Variants in MINAR1 observed in about 807,000 individuals in gnomAD.
MINAR1 encodes the protein membrane integral NOTCH2 associated receptor 1.
In MINAR1, 40 loss-of-function variants were observed where a neutral mutation model predicts 65.1. The ratio of observed to expected loss-of-function variants is 0.61; its 90% CI spans 0.48 to 0.80. The LOEUF (loss-of-function observed/expected upper bound fraction) is 0.80. Ranked by LOEUF, MINAR1 falls within the 30% of genes least tolerant of loss-of-function variation. MINAR1 has a pLI of 0.00. For synonymous variants in MINAR1, 482 were observed against 449.1 expected (o/e 1.07, Z -0.93); for missense variants, 1,128 against 1,148.0 (o/e 0.98, Z 0.25).
rs556179640 is a variant in MINAR1, at chr15:79,457,988, C to T, written c.1841C>T (p.Ser614Leu). ...ATTGAACGGAAGCTGGAATCCCTGT[C>T]GGGTGTCCGTGATGAAATCTCCCAG... Reference protein sequence around the residue: ...GEIERKLESLSGVRDEISQVL... With the variant: ...GEIERKLESLLGVRDEISQVL... Residue 614 changes from serine to leucine, a missense_variant, in exon 2 of 4, where the codon TCG (serine) becomes TTG (leucine). By Grantham distance (145) the Ser-to-Leu change is moderately radical. Transcript: ENST00000305428. 4.7e-5 allele frequency: 76 copies of T among 1,614,052 alleles called. No homozygotes were observed. In the South Asian group the frequency reaches 7.4e-4, roughly 16 times the overall value.
At chr15:79,460,590 C>T (rs753163459) in intron 2 of MINAR1, among the ~76,000 whole-genome samples, 17 of 152,138 alleles carry the variant, frequency 1.1e-4, no homozygotes, top group Non-Finnish European at 2.1e-4. Flanking sequence ...CTTTCCCTAC[C>T]GGGGATCCTT....
In MINAR1 at chr15:79,457,019, G is replaced by A. The variant is rs760038690; in HGVS notation, c.872G>A (p.Arg291Gln). The A allele has an allele frequency of 1.1e-5, 17 of 1,613,802 alleles. No individual in the cohort carries two copies. Among genetic ancestry groups the A allele is most frequent in the African/African-American group, 5.3e-5 (4 of 74,912 alleles). ...AENEHREPQS[R>Q]KEPHKPPFFN... ...AATGAGCACAGGGAACCCCAGAGTC[G>A]AAAGGAACCCCACAAGCCACCCTTC... The change falls in exon 2 of 4, where the codon CGA becomes CAA. Residue 291 changes from arginine to glutamine, a missense_variant. Coordinates refer to ENST00000305428, the MANE Select transcript of MINAR1 (RefSeq NM_015206.3).
At chr15:79,462,780 C>A (rs1895694807) in intron 2 of MINAR1, among the ~76,000 whole-genome samples, 1 of 152,202 alleles carries the variant, frequency 6.6e-6, no homozygotes, top group Non-Finnish European at 1.5e-5. Context: ...GCTCCATTTT[C>A]CTACCTGTAC....
intron 1 of MINAR1, among the ~76,000 whole-genome samples, chr15:79,438,377 A>G (rs188099372): frequency 1.5e-3 from 3 of 2,006 alleles, no homozygotes; most frequent in Non-Finnish European, 3.0e-3. Context: ...TGTGGGTGTG[A>G]GTGGGTAGTG....
chr15:79,456,551 A>T lies in MINAR1; in HGVS notation c.404A>T (p.Glu135Val), dbSNP rs1195046078. 6 of 1,614,106 alleles carry T rather than the reference A, an allele frequency of 3.7e-6. No homozygotes were observed. Among genetic ancestry groups the T allele is most frequent in the Non-Finnish European group, 4.2e-6 (5 of 1,180,018 alleles). Residue 135 changes from glutamate to valine, a missense_variant, in exon 2 of 4, where the codon GAG becomes GTG. Coordinates refer to ENST00000305428, the MANE Select transcript of MINAR1 (RefSeq NM_015206.3). The part of the protein sequence containing the change: ...DTEICNAAEC[E>V]PLNCELSERS... ...GAGATCTGCAATGCAGCTGAGTGTG[A>T]GCCCCTGAACTGTGAGCTGAGTGAG...
Position 79,463,250 on chromosome 15 carries a change from C to T in MINAR1, c.2482C>T (p.Pro828Ser). 1 of 1,614,202 alleles carries T rather than the reference C, an allele frequency of 6.2e-7. No homozygotes were observed. The highest frequency in any genetic ancestry group is 8.5e-7 in the Non-Finnish European group (1 of 1,180,038). ...GTTGGCCGAGGTGAAGCGGGGCCAA[C>T]CTTCTTGGACCATTGAGGAGTATGC... is the stretch of plus-strand genomic sequence containing the variant. ...TELAEVKRGQ[P>S]SWTIEEYARN... The change falls in exon 3 of 4, where the codon CCT (proline) becomes TCT (serine). Residue 828 changes from proline (P) to serine (S), a missense_variant. By Grantham distance (74) the Pro-to-Ser change is moderately conservative (BLOSUM62 -1). Transcript: ENST00000305428.
intron 1 of MINAR1, among the ~76,000 whole-genome samples, chr15:79,439,151 A>G (rs1424416294): frequency 1.2e-4 from 1 of 8,192 alleles, no homozygotes; most frequent in African/African-American, 3.8e-4. Flanking sequence ...GTGGGTAGTG[A>G]GTGTGTGGGG....
At chr15:79,444,117 C>T in intron 1 of MINAR1, among the ~76,000 whole-genome samples, 1 of 152,156 alleles carries the variant, frequency 6.6e-6, no homozygotes, top group African/African-American at 2.4e-5. Context: ...ATGCCTTAGG[C>T]TGTGTGGCCT....
In MINAR1 at chr15:79,452,859, CTGTG is replaced by C. The variant is rs377644308; in HGVS notation, c.-50-3236_-50-3233del. ...TCTGCATGTGAGTGTATGGGTGAGT[CTGTG>C]TGAGTGTGAAGCTGTGTGAGTGTGT... is the stretch of plus-strand genomic sequence containing the variant. On this transcript the variant is annotated intron_variant, in intron 1 of 3. Coordinates refer to ENST00000305428, the MANE Select transcript of MINAR1 (RefSeq NM_015206.3). Among the ~76,000 whole-genome samples, 1,027 of 144,314 alleles carry C rather than the reference CTGTG, an allele frequency of 7.1e-3. 9 individuals are homozygous for C. The highest frequency in any genetic ancestry group is 0.012 in the Non-Finnish European group (792 of 65,248). The allele number at this position is 144,314 out of a possible 152,430, so 94.7% of individuals were successfully genotyped here.
In MINAR1 at chr15:79,470,511, A is replaced by C. The variant is rs192246271; in HGVS notation, c.*2127A>C. ...CCAAATCTTCCATTTAACAGGTAGG[A>C]CCATCGAGGCTGGACCAAACCACTT... On this transcript the variant is annotated 3_prime_UTR_variant, in exon 4 of 4. Transcript: ENST00000305428. 4 of 148,430 alleles carry C rather than the reference A, an allele frequency of 2.7e-5. No homozygotes were observed. The East Asian group carries it at 5.8e-4, about 21-fold the overall frequency. 9.2% of individuals were successfully genotyped at this position (148,430 alleles called of 1,614,324 possible). A position where few individuals can be genotyped will look rare whatever the true frequency, so the allele number is the denominator to read the frequency against.
At chr15:79,437,698 T>G (rs1409225925) in intron 1 of MINAR1, among the ~76,000 whole-genome samples, 13 of 26,354 alleles carry the variant, frequency 4.9e-4, no homozygotes, top group East Asian at 2.3e-3. Context: ...GTAGTGAGTG[T>G]GTGGGGTGTG....
the MINAR1 span, chr15:79,420,959 A>C: frequency 6.6e-6 from 1 of 152,312 alleles, no homozygotes; most frequent in East Asian, 1.9e-4. Flanking sequence ...CGATACTCAG[A>C]ATCTACATTG....
the MINAR1 span, chr15:79,414,156 T>G: frequency 6.6e-6 from 1 of 152,174 alleles, no homozygotes; most frequent in South Asian, 2.1e-4. Context: ...CTGTCAGATA[T>G]TTGTTATGTG....
At chr15:79,444,960 T>A (rs551591201) in intron 1 of MINAR1, among the ~76,000 whole-genome samples, 20 of 152,232 alleles carry the variant, frequency 1.3e-4, no homozygotes, top group African/African-American at 4.8e-4. Context: ...ATCACTCAGT[T>A]TCTTGAGAAA....
At chr15:79,431,554 T>C (rs759007030), upstream of MINAR1, among the ~76,000 whole-genome samples, 77 of 151,730 alleles carry the variant, frequency 5.1e-4, no homozygotes, top group Admixed American at 1.1e-3. Context: ...CACGTGACAG[T>C]CTTTCCAATC....
the MINAR1 span, chr15:79,421,985 GT>G: frequency 6.6e-6 from 1 of 152,282 alleles, no homozygotes; most frequent in African/African-American, 2.4e-5. Context: ...GCAGCCTGTT[GT>G]CAAGGTGGGG....
rs1477969705 is a variant in MINAR1 at position 79,468,730 on chromosome 15, A to T, written c.*346A>T. ...ATTTTGATGATGTTTCATGGTGGGG[A>T]ATAAGTTATACAGAAGATATTTAAT... On this transcript the variant is annotated 3_prime_UTR_variant, in exon 4 of 4. Transcript: ENST00000305428. 6 of 295,548 alleles carry T rather than the reference A, an allele frequency of 2.0e-5. No homozygotes were observed. Among genetic ancestry groups the T allele is most frequent in the African/African-American group, 1.3e-4 (6 of 46,252 alleles). 18.3% of individuals were successfully genotyped at this position (295,548 alleles called of 1,614,324 possible).
Position 79,456,512 on chromosome 15 carries a change from G to A in MINAR1, c.365G>A (p.Cys122Tyr). Residue 122 changes from cysteine (C) to tyrosine (Y), a missense_variant, in exon 2 of 4, where the codon TGT becomes TAT. Coordinates refer to ENST00000305428, the MANE Select transcript of MINAR1 (RefSeq NM_015206.3). The part of the protein sequence containing the change: ...VRKKEASFES[C>Y]RSDTEICNAA... The stretch of plus-strand genomic sequence containing the variant: ...AAGAAGGAGGCATCCTTTGAATCAT[G>A]TAGGTCGGACACAGAGATCTGCAAT... 2 of 1,613,984 alleles carry A rather than the reference G, an allele frequency of 1.2e-6. No individual in the cohort carries two copies. Among genetic ancestry groups the A allele is most frequent in the Non-Finnish European group, 1.7e-6 (2 of 1,180,028 alleles).
intron 1 of MINAR1, among the ~76,000 whole-genome samples, chr15:79,445,006 CAT>C (rs1381296234): frequency 2.6e-5 from 4 of 151,932 alleles, no homozygotes; most frequent in South Asian, 2.1e-4. Flanking sequence ...TTGTGAATTT[CAT>C]ATATTTCCTA....
Sources: gnomAD v4.1 joint callset for allele counts (sites outside exome capture counted in the v4.1 genomes callset) on GRCh38, gnomAD v4.1.1 for gene constraint, MANE v1.5 for transcripts, NCBI Gene and HGNC (gene_info 2026-07-23, HGNC 2026-07-21) for gene names.